COP1: variants seen among roughly 807,000 people sequenced by gnomAD.
COP1 encodes the protein E3 ubiquitin-protein ligase COP1.
In COP1, 24 loss-of-function variants were observed where a neutral mutation model predicts 101.3. That is an observed-to-expected ratio of 0.24 (90% CI 0.17 to 0.33). The LOEUF (loss-of-function observed/expected upper bound fraction) is 0.33, where lower values mean the gene tolerates loss of function less well. Among genes scored for constraint, COP1 ranks in the 10% least tolerant of loss-of-function variants. The pLI is 1.00. For synonymous variants in COP1, 347 were observed against 341.9 expected (o/e 1.01, Z -0.17); for missense variants, 663 against 906.2 (o/e 0.73, Z 3.45).
intron 15 of COP1, among the ~76,000 whole-genome samples, chr1:176,024,333 A>C (rs1162828354): frequency 6.6e-6 from 1 of 152,202 alleles, no homozygotes; most frequent in Non-Finnish European, 1.5e-5. Flanking sequence ...AAGCTGGTTT[A>C]ATATTATAGT....
chr1:175,964,197 T>C (rs565485216), intron 18 of COP1, among the ~76,000 whole-genome samples: 6 of 152,302 alleles, frequency 3.9e-5, no homozygotes, highest in Middle Eastern at 3.4e-3. Flanking sequence ...GAGGCAAACC[T>C]GGCAACTTGG....
chr1:175,947,849 AT>A (rs541916943), intron 18 of COP1, among the ~76,000 whole-genome samples: 310 of 152,308 alleles, frequency 2.0e-3, no homozygotes, highest in Non-Finnish European at 3.4e-3. Flanking sequence ...AAAGACTGAA[AT>A]AAAATGAAAA....
At chr1:176,169,589 G>T (rs1294814801) in intron 3 of COP1, among the ~76,000 whole-genome samples, 2 of 152,150 alleles carry the variant, frequency 1.3e-5, no homozygotes, top group African/African-American at 4.8e-5. Flanking sequence ...TTTAAAAAAA[G>T]TATTAATATA....
At chr1:176,134,477 C>A (rs1400032664) in intron 8 of COP1, among the ~76,000 whole-genome samples, 2 of 151,890 alleles carry the variant, frequency 1.3e-5, no homozygotes, top group Non-Finnish European at 2.9e-5. Context: ...GGGAAATGGT[C>A]ATGACAAATA....
chr1:175,996,096 G>A (rs1011282827), intron 15 of COP1, among the ~76,000 whole-genome samples: 1 of 151,524 alleles, frequency 6.6e-6, no homozygotes, highest in Non-Finnish European at 1.5e-5. Flanking sequence ...GTTCAAAACA[G>A]GCAAATCAAT....
intron 6 of COP1, among the ~76,000 whole-genome samples, chr1:176,143,843 T>A (rs1169215101): frequency 6.6e-6 from 1 of 152,064 alleles, no homozygotes; most frequent in East Asian, 1.9e-4. Flanking sequence ...ATTAACAGAA[T>A]GAAAAGGAAA....
Position 175,994,751 on chromosome 1 carries a change from C to A in COP1, c.1730-5272G>T, listed in dbSNP as rs548218723. Among the ~76,000 whole-genome samples, 7 of 152,238 alleles carry A rather than the reference C, an allele frequency of 4.6e-5. No individual in the cohort carries two copies. In the East Asian group the frequency reaches 1.2e-3, roughly 25 times the overall value. On this transcript the variant is annotated intron_variant, in intron 15 of 19. Transcript: ENST00000367669. Reference sequence around the variant, plus strand: ...AGCACCCAGATTCATAAAGCAAGTCCTGAGTGACCTACAAAGAGACTTAGA... The same window carrying A: ...AGCACCCAGATTCATAAAGCAAGTCATGAGTGACCTACAAAGAGACTTAGA...
chr1:176,167,929 C>A (rs1695382844), intron 3 of COP1, among the ~76,000 whole-genome samples: 1 of 151,624 alleles, frequency 6.6e-6, no homozygotes, highest in Non-Finnish European at 1.5e-5. Context: ...CAGTGACTGA[C>A]AGTAGTAAGG....
At chr1:176,151,358 AAAGAAAG>A (rs1464328435) in intron 5 of COP1, among the ~76,000 whole-genome samples, 175 of 31,380 alleles carry the variant, frequency 5.6e-3, no homozygotes, top group Admixed American at 0.015. Flanking sequence ...AAAGAAAAAG[AAAGAAAG>A]AAAGAAAGAA....
At chr1:176,055,034 A>G (rs992190153) in intron 11 of COP1, among the ~76,000 whole-genome samples, 1 of 152,186 alleles carries the variant, frequency 6.6e-6, no homozygotes, top group African/African-American at 2.4e-5. Flanking sequence ...AATAGCTGAC[A>G]TTGATGATCA....
intron 15 of COP1, among the ~76,000 whole-genome samples, chr1:176,014,141 G>A (rs1267925185): frequency 6.6e-6 from 1 of 152,128 alleles, no homozygotes; most frequent in South Asian, 2.1e-4. Flanking sequence ...TTGATTTGAG[G>A]TGAAAATAGA....
intron 15 of COP1, among the ~76,000 whole-genome samples, chr1:176,026,296 A>C (rs557823944): frequency 1.3e-5 from 2 of 152,130 alleles, no homozygotes; most frequent in Admixed American, 1.3e-4. Flanking sequence ...ACATACACTC[A>C]AACTCAATAA....
chr1:176,027,358 A>G (rs1013618508), intron 15 of COP1, among the ~76,000 whole-genome samples: 1 of 152,210 alleles, frequency 6.6e-6, no homozygotes, highest in Non-Finnish European at 1.5e-5. Context: ...TAACAAATTC[A>G]TATCTACGTA....
At chr1:175,976,509 C>T (rs540811162) in intron 18 of COP1, among the ~76,000 whole-genome samples, 46 of 152,016 alleles carry the variant, frequency 3.0e-4, no homozygotes, top group African/African-American at 1.0e-3. Flanking sequence ...AACTCCTGGC[C>T]TCAAGTGATC....
chr1:175,979,149 CCTGGGG>C (rs1268635531), intron 18 of COP1, among the ~76,000 whole-genome samples: 2 of 151,994 alleles, frequency 1.3e-5, no homozygotes, highest in Non-Finnish European at 2.9e-5. Flanking sequence ...CCCAAGGAGA[CCTGGGG>C]AACTTTTCAA....
intron 18 of COP1, among the ~76,000 whole-genome samples, chr1:175,964,806 T>C (rs1221876611): frequency 2.0e-5 from 3 of 152,148 alleles, no homozygotes; most frequent in Non-Finnish European, 4.4e-5. Context: ...TAAGTAAATA[T>C]AAAGAATAAA....
intron 6 of COP1, among the ~76,000 whole-genome samples, chr1:176,147,012 C>G (rs1159891848): frequency 6.6e-6 from 1 of 152,138 alleles, no homozygotes; most frequent in East Asian, 1.9e-4. Flanking sequence ...TGGTATATAT[C>G]AATGTCTAAA....
At chr1:175,986,884 G>GTT (rs1657248825) in intron 18 of COP1, 59 bp downstream of exon 18, 3 of 1,274,998 alleles carry the variant, frequency 2.4e-6, no homozygotes, top group Non-Finnish European at 3.2e-6. Flanking sequence ...ATCAAACCCT[G>GTT]TGTATACATA....
At chr1:176,164,659 A>G (rs1322078500) in intron 3 of COP1, among the ~76,000 whole-genome samples, 4 of 152,210 alleles carry the variant, frequency 2.6e-5, no homozygotes, top group African/African-American at 9.6e-5. Context: ...ACCAAGGTAT[A>G]TGCTGGCAAT....
Sources: allele counts gnomAD v4.1 joint callset (sites outside exome capture counted in the v4.1 genomes callset), GRCh38; gene constraint gnomAD v4.1.1; transcripts MANE v1.5; gene names NCBI Gene and HGNC (gene_info 2026-07-23, HGNC 2026-07-21).